Variants in FSTL5 observed in about 807,000 individuals in gnomAD.
FSTL5 encodes follistatin like 5.
In FSTL5, 62 loss-of-function variants were observed where a neutral mutation model predicts 89.1. The ratio of observed to expected loss-of-function variants is 0.70; its 90% CI spans 0.57 to 0.86. FSTL5 has a LOEUF of 0.86. FSTL5 is among the 40% of genes least tolerant of loss of function. The pLI is 0.00. For missense variants in FSTL5, 1,057 were observed against 1,001.6 expected, an observed-to-expected ratio of 1.06 and a Z score of -0.75; for synonymous variants, 383 against 346.2, an observed-to-expected ratio of 1.11 and a Z score of -1.18.
chr4:162,033,053 T>C (rs922332793), intron 3 of FSTL5, among the ~76,000 whole-genome samples: 1 of 152,146 alleles, frequency 6.6e-6, no homozygotes, highest in Admixed American at 6.6e-5. Context: ...ATGGAAGTCA[T>C]TTACTGAAGG....
intron 2 of FSTL5, among the ~76,000 whole-genome samples, chr4:162,063,267 T>C (rs144405452): frequency 1.0e-3 from 152 of 151,966 alleles, no homozygotes; most frequent in African/African-American, 3.3e-3. Context: ...TCCATCTGTT[T>C]TTGTTCAAAA....
intron 6 of FSTL5, among the ~76,000 whole-genome samples, chr4:161,733,120 G>C (rs1387357472): frequency 6.6e-6 from 1 of 151,746 alleles, no homozygotes; most frequent in Non-Finnish European, 1.5e-5. Context: ...TCCTGAACAT[G>C]ATTTACTTCT....
intron 2 of FSTL5, among the ~76,000 whole-genome samples, chr4:162,038,367 A>C (rs1236625286): frequency 6.6e-6 from 1 of 151,934 alleles, no homozygotes; most frequent in East Asian, 1.9e-4. Context: ...TATGATAAAG[A>C]TTAGCAAAGA....
At chr4:161,658,553 G>A (rs1328992612) in intron 6 of FSTL5, among the ~76,000 whole-genome samples, 1 of 151,822 alleles carries the variant, frequency 6.6e-6, no homozygotes, top group African/African-American at 2.4e-5. Flanking sequence ...TATCACATAT[G>A]TGTACACATA....
At chr4:161,877,999 T>TC in intron 4 of FSTL5, among the ~76,000 whole-genome samples, 1 of 151,286 alleles carries the variant, frequency 6.6e-6, no homozygotes, top group Non-Finnish European at 1.5e-5. Context: ...TAAAAATCTT[T>TC]TTTTTACTTA....
At chr4:161,920,366 T>TA in intron 4 of FSTL5, 38 bp downstream of exon 4, 1 of 1,590,084 alleles carries the variant, frequency 6.3e-7, no homozygotes, top group Non-Finnish European at 8.6e-7. Context: ...AGAAAAGAAA[T>TA]AGAGTGGGGT....
intron 8 of FSTL5, among the ~76,000 whole-genome samples, chr4:161,577,040 A>T (rs1018046990): frequency 6.6e-6 from 1 of 152,218 alleles, no homozygotes; most frequent in Admixed American, 6.5e-5. Context: ...GTTATAGGAA[A>T]TCTATATCTT....
At chr4:161,700,428 C>A (rs1431552207) in intron 6 of FSTL5, among the ~76,000 whole-genome samples, 7 of 151,900 alleles carry the variant, frequency 4.6e-5, no homozygotes, top group Non-Finnish European at 5.9e-5. Context: ...TGTCAAATAT[C>A]TTCGTTTTTC....
At chr4:161,979,913 T>A (rs1217316050) in intron 3 of FSTL5, among the ~76,000 whole-genome samples, 2 of 152,032 alleles carry the variant, frequency 1.3e-5, no homozygotes, top group Non-Finnish European at 2.9e-5. Context: ...TGAACAGATT[T>A]AAGGAATGTA....
At chr4:161,649,557 C>CT (rs1736265665) in intron 7 of FSTL5, among the ~76,000 whole-genome samples, 2 of 152,080 alleles carry the variant, frequency 1.3e-5, no homozygotes, top group African/African-American at 4.8e-5. Context: ...ATTTGAAATA[C>CT]AATAGATAAT....
At chr4:161,642,124 A>G (rs1735987446) in intron 7 of FSTL5, among the ~76,000 whole-genome samples, 1 of 152,210 alleles carries the variant, frequency 6.6e-6, no homozygotes, top group Admixed American at 6.5e-5. Flanking sequence ...AAATATTGCC[A>G]CAATCAAGTT....
At chr4:161,470,021 A>C (rs1301349171) in intron 13 of FSTL5, among the ~76,000 whole-genome samples, 2 of 152,054 alleles carry the variant, frequency 1.3e-5, no homozygotes, top group Non-Finnish European at 2.9e-5. Flanking sequence ...TGATTTGCAT[A>C]TATCTTCTTC....
At chr4:161,473,424 A>ATTTT (rs70937654) in intron 13 of FSTL5, among the ~76,000 whole-genome samples, 7 of 129,754 alleles carry the variant, frequency 5.4e-5, no homozygotes, top group South Asian at 2.4e-4. Context: ...GTCTCTTGTA[A>ATTTT]TTTTTTTTTT....
At chr4:161,791,206 GA>G (rs11311543) in intron 4 of FSTL5, among the ~76,000 whole-genome samples, 89,718 of 148,562 alleles carry the variant, frequency 0.6, 28,701 homozygotes, top group Non-Finnish European at 0.73. Flanking sequence ...CACCATAGAA[GA>G]AAAAAAAAAA....
chr4:161,852,180 A>AAT (rs10566216), intron 4 of FSTL5, among the ~76,000 whole-genome samples: 35 of 150,934 alleles, frequency 2.3e-4, no homozygotes, highest in East Asian at 9.7e-4. Flanking sequence ...GTAGATATAA[A>AAT]ATATATATAT....
intron 7 of FSTL5, among the ~76,000 whole-genome samples, chr4:161,633,238 TC>T (rs1207985341): frequency 2.7e-5 from 4 of 150,164 alleles, no homozygotes; most frequent in African/African-American, 4.9e-5. Context: ...TTATACAGCT[TC>T]CCCCCCACTT....
intron 5 of FSTL5, among the ~76,000 whole-genome samples, chr4:161,765,425 G>A (rs1004805108): frequency 6.6e-5 from 10 of 152,246 alleles, no homozygotes; most frequent in Admixed American, 4.6e-4. Context: ...TAAATATGTT[G>A]ACTAAATCAG....
At chr4:161,575,293 G>A (rs903078141) in intron 8 of FSTL5, among the ~76,000 whole-genome samples, 1 of 152,102 alleles carries the variant, frequency 6.6e-6, no homozygotes, top group African/African-American at 2.4e-5. Context: ...CATTCTGTAG[G>A]TTGCCTGTTC....
intron 2 of FSTL5, among the ~76,000 whole-genome samples, chr4:162,053,603 T>C (rs971417434): frequency 6.6e-6 from 1 of 151,702 alleles, no homozygotes; most frequent in Admixed American, 6.6e-5. Flanking sequence ...TATAAATTGA[T>C]AAGATGAAAA....
Sources: gnomAD v4.1 joint callset for allele counts (sites outside exome capture counted in the v4.1 genomes callset) on GRCh38, gnomAD v4.1.1 for gene constraint, MANE v1.5 for transcripts, NCBI Gene and HGNC (gene_info 2026-07-23, HGNC 2026-07-21) for gene names.